RBCK1: variants seen among roughly 807,000 people sequenced by gnomAD.
RBCK1 encodes RANBP2-type and C3HC4-type zinc finger containing 1, also known as ranBP-type and C3HC4-type zinc finger-containing protein 1.
RBCK1 carries 44 observed loss-of-function variants against 71.1 expected under a neutral mutation model. The observed-to-expected ratio is 0.62, with a 90% CI of 0.49 to 0.80. The LOEUF (loss-of-function observed/expected upper bound fraction) is 0.80. RBCK1 is among the 30% of genes least tolerant of loss of function. The pLI is 0.00. For synonymous variants in RBCK1, 306 were observed against 279.7 expected (o/e 1.09, Z -0.94); for missense variants, 569 against 685.0 (o/e 0.83, Z 1.89).
In RBCK1 at chr20:428,757, G is replaced by A; in HGVS notation, c.1308+168G>A. On this transcript the variant is annotated intron_variant, in intron 10 of 11. Transcript: ENST00000356286. The surrounding 1 kb of genome is among the most constrained non-coding windows in gnomAD (Gnocchi z 5.7). The stretch of plus-strand genomic sequence containing the variant: ...GGACTTAGGCCGAATGGTCATGTCA[G>A]GAAGAGCGTCTGGGTGGAGGGTGGA... 6 of 1,410,822 alleles carry A rather than the reference G, an allele frequency of 4.3e-6. No individual in the cohort carries two copies. The highest frequency in any genetic ancestry group is 4.7e-6 in the Non-Finnish European group (5 of 1,070,042). 87.4% of individuals were successfully genotyped at this position (1,410,822 alleles called of 1,614,324 possible).
chr20:419,499 C>G, intron 5 of RBCK1, 31 bp downstream of exon 5: 1 of 1,603,558 alleles, frequency 6.2e-7, no homozygotes, highest in Non-Finnish European at 8.5e-7. Flanking sequence ...GTATCCTCTT[C>G]TGTGCCCCTC....
chr20:410,331 A>G (rs1285307143), intron 2 of RBCK1: 5 of 722,176 alleles, frequency 6.9e-6, no homozygotes, highest in Non-Finnish European at 1.3e-5. Context: ...GATGGCAGGG[A>G]GTCCAGATAG....
intron 1 of RBCK1, among the ~76,000 whole-genome samples, 188 bp downstream of exon 1, chr20:408,967 T>A (rs2015537212): frequency 6.6e-6 from 1 of 152,150 alleles, no homozygotes; most frequent in Admixed American, 6.5e-5. Context: ...CCCTGAGAAC[T>A]CCTTGGGCTG....
chr20:414,754 T>C (rs972277308), intron 2 of RBCK1, among the ~76,000 whole-genome samples: 2 of 152,238 alleles, frequency 1.3e-5, no homozygotes, highest in Non-Finnish European at 1.5e-5. Context: ...GTTGAAACCA[T>C]ATGCACTTTT....
intron 8 of RBCK1, among the ~76,000 whole-genome samples, chr20:426,816 C>CTTTTTTTTTTTTTTTTT (rs768525416): frequency 1.0e-5 from 1 of 95,508 alleles, no homozygotes; most frequent in African/African-American, 5.3e-5. Flanking sequence ...TTTTCTTTTC[C>CTTTTTTTTTTTTTTTTT]TTTTTTTTTT....
chr20:409,946 T>C lies in RBCK1; in HGVS notation c.88T>C (p.Cys30Arg), dbSNP rs2015604231. Reference protein sequence around the residue: ...AGGDEQVAMKCAIWLAEQRVP... With the variant: ...AGGDEQVAMKRAIWLAEQRVP... Reference sequence around the variant, plus strand: ...CGGGGATGAACAGGTGGCAATGAAGTGTGCCATCTGGCTGGCAGAGCAACG... The same window carrying C: ...CGGGGATGAACAGGTGGCAATGAAGCGTGCCATCTGGCTGGCAGAGCAACG... The change falls in exon 2 of 12, where the codon TGT (cysteine) becomes CGT (arginine). Residue 30 changes from cysteine to arginine, a missense_variant. Transcript: ENST00000356286. 6.2e-7 allele frequency: 1 copy of C among 1,613,934 alleles called. No homozygotes were observed. Among genetic ancestry groups the C allele is most frequent in the African/African-American group, 1.3e-5 (1 of 74,896 alleles).
chr20:426,504 C>A (rs528362770), intron 8 of RBCK1, among the ~76,000 whole-genome samples: 1 of 152,178 alleles, frequency 6.6e-6, no homozygotes, highest in Non-Finnish European at 1.5e-5. Flanking sequence ...ACCTCCAGTT[C>A]TTCCATGTTG....
At chr20:429,220 G>GT in intron 11 of RBCK1, 126 bp downstream of exon 11, 1 of 1,278,796 alleles carries the variant, frequency 7.8e-7, no homozygotes, top group Non-Finnish European at 1.0e-6. Context: ...AGCTCCCGAG[G>GT]TAAGAATTTT....
chr20:426,024 A>G (rs2016695516), intron 8 of RBCK1, among the ~76,000 whole-genome samples: 1 of 152,128 alleles, frequency 6.6e-6, no homozygotes, highest in East Asian at 1.9e-4. Context: ...TTATTGCCAC[A>G]TTGCTTTCTC....
intron 2 of RBCK1, chr20:410,372 C>T (rs892104816): frequency 2.6e-6 from 2 of 776,152 alleles, no homozygotes; most frequent in Non-Finnish European, 4.8e-6. Context: ...TCCTCAGAGG[C>T]TCATATTGTT....
rs1310614939 is a variant in RBCK1, at chr20:422,014, C to T, written c.918-113C>T. Reference sequence around the variant, plus strand: ...AGGAAGGAGATATTGAGGAGAAGTCCACCTGGGGTGACTGAGTGAGGCCCC... The same window carrying T: ...AGGAAGGAGATATTGAGGAGAAGTCTACCTGGGGTGACTGAGTGAGGCCCC... On this transcript the variant is annotated intron_variant, in intron 7 of 11. Coordinates refer to ENST00000356286, the MANE Select transcript of RBCK1 (RefSeq NM_031229.4). The surrounding 1 kb of genome is among the most constrained non-coding windows in gnomAD (Gnocchi z 5.0). 5 of 733,970 alleles carry T rather than the reference C, an allele frequency of 6.8e-6. No individual in the cohort carries two copies. Among genetic ancestry groups the T allele is most frequent in the South Asian group, 5.0e-5 (3 of 60,306 alleles). 45.5% of individuals were successfully genotyped at this position (733,970 alleles called of 1,614,324 possible). A position where few individuals can be genotyped will look rare whatever the true frequency, so the allele number is the denominator to read the frequency against.
At chr20:425,097 G>C (rs180959710) in intron 8 of RBCK1, among the ~76,000 whole-genome samples, 3 of 151,554 alleles carry the variant, frequency 2.0e-5, no homozygotes, top group Admixed American at 6.6e-5. Flanking sequence ...TGCAAGCTCC[G>C]CCTCCCGGGT....
Position 408,330 on chromosome 20 carries a change from C to G in RBCK1, c.-428C>G, listed in dbSNP as rs2015488105. The G allele has an allele frequency of 4.7e-6, 1 of 214,234 alleles. No homozygotes were observed. Among genetic ancestry groups the G allele is most frequent in the Non-Finnish European group, 9.4e-6 (1 of 106,640 alleles). The allele number at this position is 214,234 out of a possible 1,614,324, so 13.3% of individuals were successfully genotyped here. A position where few individuals can be genotyped will look rare whatever the true frequency, so the allele number is the denominator to read the frequency against. The stretch of plus-strand genomic sequence containing the variant: ...ACTTTCTCTTCCGCCGAAGCCGCTC[C>G]CCTTGCGAAGAACTGGGGCCTCCCG... On this transcript the variant is annotated 5_prime_UTR_variant, in exon 1 of 12. Transcript: ENST00000356286.
At chr20:414,007 C>G (rs1568551466) in intron 2 of RBCK1, among the ~76,000 whole-genome samples, 2 of 150,556 alleles carry the variant, frequency 1.3e-5, no homozygotes, top group African/African-American at 2.4e-5. Flanking sequence ...TGCTCTGATG[C>G]TTCAGGAGTG....
At position 419,538 on chromosome 20, in the gene RBCK1, A is replaced by G. The variant is rs1474154097; in HGVS notation, c.583-20A>G. ...TGCCTCACCCTGCCCAGTCGGGCTC[A>G]CAGCACCCTCTGCTCCCAGGTGGGC... On this transcript the variant is annotated intron_variant, in intron 5 of 11. Coordinates refer to ENST00000356286, the MANE Select transcript of RBCK1 (RefSeq NM_031229.4). 2.5e-6 allele frequency: 4 copies of G among 1,606,796 alleles called. No individual in the cohort carries two copies. The highest frequency in any genetic ancestry group is 3.4e-5 in the Admixed American group (2 of 59,350).
In RBCK1 at chr20:420,022, C is replaced by T. The variant is rs979873848; in HGVS notation, c.756+291C>T. On this transcript the variant is annotated intron_variant, in intron 6 of 11. Coordinates refer to ENST00000356286, the MANE Select transcript of RBCK1 (RefSeq NM_031229.4). Reference sequence around the variant, plus strand: ...CTCCATCCCCAGCTTTGACACACCACACGAGTATGGCTGGCCATGACCCCA... The same window carrying T: ...CTCCATCCCCAGCTTTGACACACCATACGAGTATGGCTGGCCATGACCCCA... 3.0e-6 allele frequency: 3 copies of T among 984,518 alleles called. No homozygotes were observed. In the African/African-American group the frequency reaches 5.3e-5, roughly 17 times the overall value. The allele number at this position is 984,518 out of a possible 1,614,324, so 61.0% of individuals were successfully genotyped here.
intron 8 of RBCK1, among the ~76,000 whole-genome samples, chr20:425,445 A>G (rs2016659329): frequency 6.6e-6 from 1 of 152,228 alleles, no homozygotes; most frequent in South Asian, 2.1e-4. Context: ...CATATAACAT[A>G]GGCATGATTT....
chr20:410,381 T>C lies in RBCK1; in HGVS notation c.167+356T>C, dbSNP rs6139109. The stretch of plus-strand genomic sequence containing the variant: ...CGACAGTCCTCAGAGGCTCATATTG[T>C]TTCTCTCACCATTCTGCCATTCATT... On this transcript the variant is annotated intron_variant, in intron 2 of 11. Coordinates refer to ENST00000356286, the MANE Select transcript of RBCK1 (RefSeq NM_031229.4). 110,654 of 777,452 alleles carry C rather than the reference T, an allele frequency of 0.14. 8,620 individuals are homozygous for C. The highest frequency in any genetic ancestry group is 0.22 in the East Asian group (9,171 of 41,198). The allele number at this position is 777,452 out of a possible 1,614,324, so 48.2% of individuals were successfully genotyped here.
Position 417,392 on chromosome 20 carries a change from GGTTTGT to G in RBCK1, c.168-131_168-126del, listed in dbSNP as rs1349195563. The G allele has an allele frequency of 1.2e-6, 1 of 821,228 alleles. No homozygotes were observed. The highest frequency in any genetic ancestry group is 1.9e-5 in the African/African-American group (1 of 51,314). The allele number at this position is 821,228 out of a possible 1,614,324, so 50.9% of individuals were successfully genotyped here. On this transcript the variant is annotated intron_variant, in intron 2 of 11. Coordinates refer to ENST00000356286, the MANE Select transcript of RBCK1 (RefSeq NM_031229.4). This position sits in a 1 kb window ranked among gnomAD's most constrained non-coding sequence, Gnocchi z 4.7. The stretch of plus-strand genomic sequence containing the variant: ...ATGGGTGGGGCCTACCCCAGACTGG[GGTTTGT>G]GTGTGTGTGTGTGTGTGTGTGTGTG...
Sources: gnomAD v4.1 joint callset for allele counts (sites outside exome capture counted in the v4.1 genomes callset) on GRCh38, gnomAD v4.1.1 for gene constraint, Gnocchi (gnomAD v3.1) non-coding constraint, MANE v1.5 for transcripts, NCBI Gene and HGNC (gene_info 2026-07-23, HGNC 2026-07-21) for gene names.